The following SPOPL variants were observed in gnomAD, a reference collection of about 807,000 sequenced individuals.
The protein encoded by SPOPL is speckle-type POZ protein-like.
A neutral mutation model predicts 53.8 loss-of-function variants in SPOPL; 23 were observed. The ratio of observed to expected loss-of-function variants is 0.43; its 90% CI spans 0.31 to 0.61. SPOPL has a LOEUF of 0.61. SPOPL is among the 20% of genes least tolerant of loss of function. The pLI is 0.12. For missense variants in SPOPL, 442 were observed against 466.9 expected (o/e 0.95, Z 0.49); for synonymous variants, 164 against 149.7 (o/e 1.10, Z -0.70).
intron 1 of SPOPL, among the ~76,000 whole-genome samples, chr2:138,517,059 C>G (rs987533060): frequency 1.3e-5 from 2 of 152,140 alleles, no homozygotes; most frequent in African/African-American, 4.8e-5. Flanking sequence ...GATTTGAAAA[C>G]TAGTAAAAGA....
intron 1 of SPOPL, among the ~76,000 whole-genome samples, chr2:138,548,830 A>G (rs1171946798): frequency 1.3e-5 from 2 of 152,054 alleles, no homozygotes; most frequent in Admixed American, 6.6e-5. Context: ...ATTACTAGAG[A>G]TTTTTCTAAC....
intron 1 of SPOPL, among the ~76,000 whole-genome samples, chr2:138,544,223 A>C (rs1302393550): frequency 6.6e-6 from 1 of 152,212 alleles, no homozygotes; most frequent in Non-Finnish European, 1.5e-5. Context: ...TCAGATGTCC[A>C]GCTGCGTGCT....
chr2:138,530,451 T>C (rs1385678764), intron 1 of SPOPL, among the ~76,000 whole-genome samples: 8 of 152,198 alleles, frequency 5.3e-5, no homozygotes, highest in African/African-American at 1.9e-4. Context: ...ATATTGAAAT[T>C]GATGTCTTTA....
At chr2:138,555,616 G>A (rs995833389) in intron 5 of SPOPL, among the ~76,000 whole-genome samples, 3 of 152,174 alleles carry the variant, frequency 2.0e-5, no homozygotes, top group African/African-American at 7.2e-5. Flanking sequence ...CAAAATTGTA[G>A]TACTATTTAG....
intron 1 of SPOPL, among the ~76,000 whole-genome samples, chr2:138,544,677 C>T (rs959328681): frequency 2.0e-5 from 3 of 152,240 alleles, no homozygotes; most frequent in African/African-American, 7.2e-5. Flanking sequence ...ACCCCTTGTG[C>T]TTCCCGGGTG....
chr2:138,550,504 T>G lies in SPOPL; in HGVS notation c.100T>G (p.Tyr34Asp). The G allele has an allele frequency of 6.2e-7, 1 of 1,608,902 alleles. No homozygotes were observed. Among genetic ancestry groups the G allele is most frequent in the Non-Finnish European group, 8.5e-7 (1 of 1,176,816 alleles). The part of the protein sequence containing the change: ...YTQVKVVKFS[Y>D]MWTINNFSFC... ...TTAGGTTAAAGTAGTAAAATTTTCC[T>G]ATATGTGGACCATTAATAACTTCAG... The change falls in exon 3 of 11, where the codon TAT (tyrosine) becomes GAT (aspartate). Residue 34 changes from tyrosine to aspartate, a missense_variant. Physicochemically the swap from Tyr to Asp is radical, Grantham distance 160 (BLOSUM62 -3). Transcript: ENST00000280098.
intron 5 of SPOPL, among the ~76,000 whole-genome samples, chr2:138,557,000 C>G (rs1437958555): frequency 1.3e-5 from 2 of 151,936 alleles, no homozygotes; most frequent in Non-Finnish European, 2.9e-5. Flanking sequence ...ACTAAAAATA[C>G]AAAAGATTAG....
Position 138,569,936 on chromosome 2 carries a change from CTTTTGTATGCTGAATGGTACATATAT to C in SPOPL, c.*861_*886del, listed in dbSNP as rs1685746274. On this transcript the variant is annotated 3_prime_UTR_variant, in exon 11 of 11. Coordinates refer to ENST00000280098, the MANE Select transcript of SPOPL (RefSeq NM_001001664.3). The stretch of plus-strand genomic sequence containing the variant: ...ATACATATGCACTTTTACTGTGTAA[CTTTTGTATGCTGAATGGTACATATAT>C]TTTTTTGCTTTTGAGGGAATTAATA... The C allele has an allele frequency of 6.6e-6, 1 of 152,426 alleles. No individual in the cohort carries two copies. Among genetic ancestry groups the C allele is most frequent in the South Asian group, 2.1e-4 (1 of 4,824 alleles). 9.4% of individuals were successfully genotyped at this position (152,426 alleles called of 1,614,324 possible).
chr2:138,543,545 C>T (rs1201927529), intron 1 of SPOPL, among the ~76,000 whole-genome samples: 1 of 152,222 alleles, frequency 6.6e-6, no homozygotes, highest in Non-Finnish European at 1.5e-5. Flanking sequence ...GAGGCTTGTG[C>T]ATTCATCACG....
chr2:138,552,077 C>A (rs972947622), intron 4 of SPOPL, among the ~76,000 whole-genome samples: 2 of 151,854 alleles, frequency 1.3e-5, no homozygotes, highest in Non-Finnish European at 2.9e-5. Context: ...AATAAAAAAT[C>A]GGTGGGATGG....
chr2:138,544,176 G>A (rs967042161), intron 1 of SPOPL, among the ~76,000 whole-genome samples: 13 of 152,304 alleles, frequency 8.5e-5, no homozygotes, highest in African/African-American at 3.1e-4. Flanking sequence ...GCTACTCGGG[G>A]GTCAGGGACC....
intron 1 of SPOPL, among the ~76,000 whole-genome samples, chr2:138,532,512 T>C (rs1020097916): frequency 8.2e-5 from 12 of 145,866 alleles, no homozygotes; most frequent in Admixed American, 2.8e-4. Flanking sequence ...CTGCAAGCTC[T>C]GCCTCCCGGG....
intron 1 of SPOPL, among the ~76,000 whole-genome samples, chr2:138,535,555 CTTTT>C (rs539254466): frequency 1.2e-5 from 1 of 86,950 alleles, no homozygotes; most frequent in African/African-American, 4.7e-5. Context: ...ATTCTAGTAG[CTTTT>C]TTTTTTTTTT....
chr2:138,535,690 AG>A (rs1223119294), intron 1 of SPOPL, among the ~76,000 whole-genome samples: 1 of 151,132 alleles, frequency 6.6e-6, no homozygotes, highest in Non-Finnish European at 1.5e-5. Flanking sequence ...AATAAATTTG[AG>A]AAGTTTTCAG....
chr2:138,551,137 TG>T, intron 4 of SPOPL, 83 bp downstream of exon 4: 1 of 1,494,066 alleles, frequency 6.7e-7, no homozygotes, highest in Non-Finnish European at 9.0e-7. Context: ...TAGAAAAGTC[TG>T]GGACTTTTTT....
intron 3 of SPOPL, 23 bp downstream of exon 3, chr2:138,550,627 A>T: frequency 6.3e-7 from 1 of 1,579,586 alleles, no homozygotes; most frequent in Non-Finnish European, 8.6e-7. Context: ...TTTGCTTTGA[A>T]TTTTTGTTTT....
At chr2:138,529,160 A>C (rs1271727568) in intron 1 of SPOPL, among the ~76,000 whole-genome samples, 1 of 152,146 alleles carries the variant, frequency 6.6e-6, no homozygotes, top group Non-Finnish European at 1.5e-5. Flanking sequence ...ATGAGTTGAA[A>C]GCTCTTGGTG....
At chr2:138,557,063 G>A (rs988747850) in intron 5 of SPOPL, among the ~76,000 whole-genome samples, 1 of 152,130 alleles carries the variant, frequency 6.6e-6, no homozygotes, top group African/African-American at 2.4e-5. Context: ...GGCTGAGGCA[G>A]GAGAATGGCA....
intron 1 of SPOPL, among the ~76,000 whole-genome samples, chr2:138,521,712 C>T (rs1475256816): frequency 6.6e-6 from 1 of 152,082 alleles, no homozygotes; most frequent in Non-Finnish European, 1.5e-5. Flanking sequence ...GAAGTCTTTA[C>T]CCTTGTAAAC....
Sources: gnomAD v4.1 joint callset for allele counts (sites outside exome capture counted in the v4.1 genomes callset) on GRCh38, gnomAD v4.1.1 for gene constraint, MANE v1.5 for transcripts, NCBI Gene and HGNC (gene_info 2026-07-23, HGNC 2026-07-21) for gene names.